Variants in ARHGAP6 observed in about 807,000 individuals in gnomAD.
ARHGAP6 encodes Rho GTPase activating protein 6, also known as rho GTPase-activating protein 6.
In ARHGAP6, 16 loss-of-function variants were observed where a neutral mutation model predicts 55.7. That is an observed-to-expected ratio of 0.29 (90% confidence interval 0.19 to 0.44). The LOEUF (loss-of-function observed/expected upper bound fraction) is 0.44, where lower values mean the gene tolerates loss of function less well. Among genes scored for constraint, ARHGAP6 ranks in the 20% least tolerant of loss-of-function variants. The pLI is 1.00. For synonymous variants in ARHGAP6, 382 were observed against 360.9 expected, an observed-to-expected ratio of 1.06 and a Z score of -0.66; for missense variants, 698 against 808.9, an observed-to-expected ratio of 0.86 and a Z score of 1.66.
chrX:11,339,974 C>T (rs1466855518), intron 1 of ARHGAP6, among the ~76,000 whole-genome samples: 1 of 111,979 alleles, frequency 8.9e-6, no homozygotes, highest in Non-Finnish European at 1.9e-5. Flanking sequence ...AACACTTAGT[C>T]CTGTTGCTTA....
At chrX:11,454,444 G>A (rs899555394) in intron 1 of ARHGAP6, among the ~76,000 whole-genome samples, 2 of 111,402 alleles carry the variant, frequency 1.8e-5, no homozygotes, top group Non-Finnish European at 3.8e-5. Context: ...TAAAACTGAG[G>A]GTGTCTTTGT....
rs923977003 is a variant in ARHGAP6 at position 11,528,866 on chromosome X, T to C, written c.588+135375A>G. ...AAACAACCCGAAACTCAGCCTTTCC[T>C]GTACCCATGTGTAAGCTTAATGGCT... On this transcript the variant is annotated intron_variant, in intron 1 of 12. Coordinates refer to ENST00000337414, the MANE Select transcript of ARHGAP6 (RefSeq NM_013427.3). Among the ~76,000 whole-genome samples the C allele has an allele frequency of 7.2e-5, 8 of 111,882 alleles. No homozygotes were observed. The Admixed American group carries it at 7.7e-4, about 11-fold the overall frequency.
chrX:11,208,305 C>T (rs1409939565), intron 2 of ARHGAP6, among the ~76,000 whole-genome samples: 3 of 110,524 alleles, frequency 2.7e-5, no homozygotes, highest in East Asian at 5.7e-4. Flanking sequence ...TTCATTCTAA[C>T]GTAAAAAAAT....
chrX:11,636,149 C>T (rs1365418156), intron 1 of ARHGAP6, among the ~76,000 whole-genome samples: 1 of 111,069 alleles, frequency 9.0e-6, no homozygotes, highest in African/African-American at 3.3e-5. Flanking sequence ...TCAGGTTATG[C>T]CTGTTATTTT....
chrX:11,555,585 T>C (rs892099364), intron 1 of ARHGAP6, among the ~76,000 whole-genome samples: 1 of 110,422 alleles, frequency 9.1e-6, no homozygotes, highest in African/African-American at 3.3e-5. Context: ...AAACCCCGTT[T>C]CTACTAAAAA....
At chrX:11,279,661 AT>A (rs201710179) in intron 1 of ARHGAP6, among the ~76,000 whole-genome samples, 17,552 of 107,045 alleles carry the variant, frequency 0.16, 1,181 homozygotes, top group Middle Eastern at 0.28. Flanking sequence ...CCACCCCTCC[AT>A]TTTTTTTTAA....
chrX:11,157,943 C>T (rs2045883978), intron 9 of ARHGAP6, among the ~76,000 whole-genome samples: 1 of 112,044 alleles, frequency 8.9e-6, no homozygotes, highest in South Asian at 3.7e-4. Flanking sequence ...TCTCTGCATC[C>T]TCTCTCCATT....
intron 1 of ARHGAP6, among the ~76,000 whole-genome samples, chrX:11,324,898 C>A (rs2048479978): frequency 8.9e-6 from 1 of 112,512 alleles, no homozygotes. Flanking sequence ...GTCGCCCAGG[C>A]CGGACTGCGG....
chrX:11,213,366 G>A (rs764372079), intron 2 of ARHGAP6, among the ~76,000 whole-genome samples: 15 of 112,328 alleles, frequency 1.3e-4, no homozygotes, highest in Non-Finnish European at 2.4e-4. Flanking sequence ...CCCAGCATAT[G>A]TCACTCTATT....
At chrX:11,328,497 A>T (rs1247517832) in intron 1 of ARHGAP6, among the ~76,000 whole-genome samples, 3 of 112,416 alleles carry the variant, frequency 2.7e-5, no homozygotes, top group Non-Finnish European at 3.8e-5. Context: ...ATTCTATGTG[A>T]ATGCATGATG....
At chrX:11,425,298 G>A (rs916764666) in intron 1 of ARHGAP6, among the ~76,000 whole-genome samples, 4 of 111,964 alleles carry the variant, frequency 3.6e-5, no homozygotes, top group Non-Finnish European at 5.6e-5. Context: ...CAAAGTAAGT[G>A]GAATATTTGT....
intron 1 of ARHGAP6, among the ~76,000 whole-genome samples, chrX:11,330,214 GT>G (rs1163673119): frequency 3.6e-5 from 4 of 112,366 alleles, no homozygotes; most frequent in Non-Finnish European, 5.6e-5. Flanking sequence ...AGACATTTGA[GT>G]TTTTTTTGAG....
chrX:11,144,144 T>C lies in ARHGAP6; in HGVS notation c.2012A>G (p.Asn671Ser). The change falls in exon 11 of 13, where the codon AAC becomes AGC. Residue 671 changes from asparagine to serine, a missense_variant. By Grantham distance (46) the Asn-to-Ser change is conservative. Coordinates refer to ENST00000337414, the MANE Select transcript of ARHGAP6 (RefSeq NM_013427.3). The part of the protein sequence containing the change: ...ASSGDISPYD[N>S]NSPVLSERSL... The stretch of plus-strand genomic sequence containing the variant: ...GCGCTCAGACAGCACTGGGGAGTTG[T>C]TGTCATAAGGGGAGATGTCTCCGCT... The C allele has an allele frequency of 8.3e-7, 1 of 1,211,926 alleles. No homozygotes were observed. The highest frequency in any genetic ancestry group is 1.1e-6 in the Non-Finnish European group (1 of 895,510).
chrX:11,196,404 C>T (rs537248478), intron 3 of ARHGAP6, among the ~76,000 whole-genome samples: 185 of 110,389 alleles, frequency 1.7e-3, no homozygotes, highest in Middle Eastern at 9.2e-3. Context: ...CCTATCTTGG[C>T]TGAGGCAATG....
In ARHGAP6 at chrX:11,595,658, A is replaced by C. The variant is rs778742387; in HGVS notation, c.588+68583T>G. Among the ~76,000 whole-genome samples the C allele has an allele frequency of 5.4e-5, 6 of 111,514 alleles. No homozygotes were observed. The East Asian group carries it at 1.7e-3, about 31-fold the overall frequency. ...ACAGGCAACCTACAGAATGGGAGAA[A>C]ATTTTTGCAGTCTATCCATCTGACA... is the stretch of plus-strand genomic sequence containing the variant. On this transcript the variant is annotated intron_variant, in intron 1 of 12. Transcript: ENST00000337414.
chrX:11,155,018 AG>A (rs1485498901), intron 10 of ARHGAP6, among the ~76,000 whole-genome samples: 1 of 112,036 alleles, frequency 8.9e-6, no homozygotes, highest in Non-Finnish European at 1.9e-5. Flanking sequence ...TAGATCTGAA[AG>A]GATAATCCAA....
At chrX:11,278,602 T>C (rs1279998453) in intron 1 of ARHGAP6, among the ~76,000 whole-genome samples, 1 of 112,027 alleles carries the variant, frequency 8.9e-6, no homozygotes, top group Non-Finnish European at 1.9e-5. Flanking sequence ...GTCACAGCCA[T>C]GATGACAGAT....
chrX:11,283,013 C>T (rs2047877064), intron 1 of ARHGAP6, among the ~76,000 whole-genome samples: 1 of 111,722 alleles, frequency 9.0e-6, no homozygotes, highest in Non-Finnish European at 1.9e-5. Flanking sequence ...ATCTATATCT[C>T]CATGTGCTCT....
At chrX:11,497,795 C>T in intron 1 of ARHGAP6, among the ~76,000 whole-genome samples, 1 of 110,246 alleles carries the variant, frequency 9.1e-6, no homozygotes, top group Non-Finnish European at 1.9e-5. Context: ...AATTTTTCTT[C>T]CTAATTGATC....
Sources: allele counts gnomAD v4.1 joint callset (sites outside exome capture counted in the v4.1 genomes callset), GRCh38; gene constraint gnomAD v4.1.1; transcripts MANE v1.5; gene names NCBI Gene and HGNC (gene_info 2026-07-23, HGNC 2026-07-21).